HPSE2: variants seen among roughly 807,000 people sequenced by gnomAD.
HPSE2 encodes inactive heparanase-2.
In HPSE2, 38 loss-of-function variants were observed where a neutral mutation model predicts 60.5. The ratio of observed to expected loss-of-function variants is 0.63; its 90% CI spans 0.48 to 0.82. The LOEUF is 0.82. Among genes scored for constraint, HPSE2 ranks in the 40% least tolerant of loss-of-function variants. The pLI is 0.00. For missense variants in HPSE2, 713 were observed against 740.4 expected, an observed-to-expected ratio of 0.96 and a Z score of 0.43; for synonymous variants, 295 against 293.2, an observed-to-expected ratio of 1.01 and a Z score of -0.06.
At chr10:99,119,341 A>G (rs1049826626) in intron 3 of HPSE2, among the ~76,000 whole-genome samples, 5 of 152,218 alleles carry the variant, frequency 3.3e-5, no homozygotes, top group African/African-American at 1.2e-4. Flanking sequence ...TCCCATTCAC[A>G]ACTGCCACAA....
intron 3 of HPSE2, among the ~76,000 whole-genome samples, chr10:98,967,997 A>G (rs905234219): frequency 8.5e-5 from 13 of 152,164 alleles, no homozygotes; most frequent in African/African-American, 3.1e-4. Context: ...TTTTCAGATT[A>G]AGGTCTAAAA....
chr10:99,278,713 A>C, the HPSE2 span, among the ~76,000 whole-genome samples: 3 of 152,208 alleles, frequency 2.0e-5, no homozygotes, highest in Non-Finnish European at 2.9e-5. Flanking sequence ...AGTTCCACTA[A>C]ACTTACTGTG....
chr10:99,274,866 G>C, the HPSE2 span, among the ~76,000 whole-genome samples: 1 of 152,180 alleles, frequency 6.6e-6, no homozygotes, highest in Admixed American at 6.5e-5. Flanking sequence ...ATTCATCTGG[G>C]AAATATACTT....
rs148771773 is a variant in HPSE2, at chr10:98,718,469, T to A, written c.956+3188A>T. ...ATCCAAAATAGAGGAAGTCAGTATA[T>A]CAAAAATATTATGCACACCTCAATG... On this transcript the variant is annotated intron_variant, in intron 5 of 11. Coordinates refer to ENST00000370552, the MANE Select transcript of HPSE2 (RefSeq NM_021828.5). Among the ~76,000 whole-genome samples the A allele has an allele frequency of 1.7e-3, 258 of 152,214 alleles. 4 individuals are homozygous for A. The highest frequency in any genetic ancestry group is 5.9e-3 in the African/African-American group (245 of 41,554).
chr10:99,029,025 C>T (rs1159562121), intron 3 of HPSE2, among the ~76,000 whole-genome samples: 1 of 152,164 alleles, frequency 6.6e-6, no homozygotes, highest in East Asian at 1.9e-4. Context: ...AACTATTAAA[C>T]TACTACAAGA....
At chr10:99,004,119 T>C (rs1368470629) in intron 3 of HPSE2, among the ~76,000 whole-genome samples, 2 of 152,086 alleles carry the variant, frequency 1.3e-5, no homozygotes, top group Non-Finnish European at 2.9e-5. Context: ...CGCTTCACTT[T>C]CAGCCTGTGT....
intron 2 of HPSE2, among the ~76,000 whole-genome samples, chr10:99,186,131 C>CACACACACACACACACAT (rs1564879670): frequency 5.4e-5 from 8 of 149,408 alleles, no homozygotes; most frequent in African/African-American, 1.2e-4. Flanking sequence ...CACACACACA[C>CACACACACACACACACAT]ACACACACAC....
chr10:98,772,849 G>C (rs1950268462), intron 3 of HPSE2, among the ~76,000 whole-genome samples: 1 of 152,154 alleles, frequency 6.6e-6, no homozygotes, highest in African/African-American at 2.4e-5. Flanking sequence ...GTTGATATGA[G>C]AGTTATTGCT....
At chr10:98,965,479 T>C (rs1955790196) in intron 3 of HPSE2, among the ~76,000 whole-genome samples, 1 of 152,014 alleles carries the variant, frequency 6.6e-6, no homozygotes, top group Non-Finnish European at 1.5e-5. Context: ...ATGGTAGGCA[T>C]TCAATCAGTC....
intron 5 of HPSE2, among the ~76,000 whole-genome samples, chr10:98,713,163 G>C (rs1948714388): frequency 6.6e-6 from 1 of 151,952 alleles, no homozygotes; most frequent in South Asian, 2.1e-4. Flanking sequence ...GTAAGAAAAA[G>C]AGAATGTGGT....
intron 3 of HPSE2, among the ~76,000 whole-genome samples, chr10:99,079,264 CCCCAGAGGGAAGCTG>C (rs1174090558): frequency 6.6e-6 from 1 of 152,012 alleles, no homozygotes; most frequent in African/African-American, 2.4e-5. Flanking sequence ...CTCTTTCCCT[CCCCAGAGGGAAGCTG>C]GGAACTAGGG....
rs552246341 is a variant in HPSE2 at position 98,844,847 on chromosome 10, G to T, written c.611-100791C>A. ...GATAAGAAATCTGAAGCTCAAAGTA[G>T]TGACATTCATTGAGAACACCAAAAT... On this transcript the variant is annotated intron_variant, in intron 3 of 11. Transcript: ENST00000370552. Among the ~76,000 whole-genome samples the T allele has an allele frequency of 3.3e-5, 5 of 152,298 alleles. No individual in the cohort carries two copies. In the South Asian group the frequency reaches 1.0e-3, roughly 32 times the overall value.
intron 3 of HPSE2, among the ~76,000 whole-genome samples, chr10:98,752,391 G>C (rs983457599): frequency 6.6e-6 from 1 of 152,142 alleles, no homozygotes; most frequent in Non-Finnish European, 1.5e-5. Flanking sequence ...TCTTTGGGTA[G>C]CCTATGGGTT....
Position 98,713,207 on chromosome 10 carries a change from G to A in HPSE2, c.956+8450C>T, listed in dbSNP as rs551662356. Reference sequence around the variant, plus strand: ...AAAATGAAGATCTGGATAGAGGTCAGCTCATTCATTGTAAAGCCCTGCAGG... The same window carrying A: ...AAAATGAAGATCTGGATAGAGGTCAACTCATTCATTGTAAAGCCCTGCAGG... On this transcript the variant is annotated intron_variant, in intron 5 of 11. Transcript: ENST00000370552. 5.9e-5 allele frequency among the ~76,000 whole-genome samples: 9 copies of A among 152,114 alleles called. 1 individual carries two copies. In the South Asian group the frequency reaches 1.9e-3, roughly 32 times the overall value.
intron 4 of HPSE2, among the ~76,000 whole-genome samples, chr10:98,724,824 A>G (rs1005498089): frequency 9.9e-5 from 15 of 152,168 alleles, no homozygotes; most frequent in Non-Finnish European, 1.9e-4. Context: ...AAAAATCACA[A>G]GCATTCTTAT....
chr10:98,984,297 C>A (rs543580209), intron 3 of HPSE2, among the ~76,000 whole-genome samples: 1 of 152,148 alleles, frequency 6.6e-6, no homozygotes, highest in Non-Finnish European at 1.5e-5. Context: ...GACAAAACTT[C>A]CAGAGGAACG....
intron 5 of HPSE2, among the ~76,000 whole-genome samples, chr10:98,714,785 A>G (rs1435606455): frequency 2.6e-5 from 4 of 151,940 alleles, no homozygotes; most frequent in African/African-American, 7.2e-5. Flanking sequence ...GAACCATATT[A>G]TATTCCCATT....
chr10:98,968,367 G>C (rs996596215), intron 3 of HPSE2, among the ~76,000 whole-genome samples: 1 of 152,098 alleles, frequency 6.6e-6, no homozygotes, highest in Non-Finnish European at 1.5e-5. Context: ...GTTGGTGTGG[G>C]TGTGGTGAAA....
At chr10:98,461,623 A>T in intron 11 of HPSE2, 1 of 620,506 alleles carries the variant, frequency 1.6e-6, no homozygotes, top group Non-Finnish European at 2.8e-6. Context: ...TATCACCCAG[A>T]TATAAGCACA....
Sources: gnomAD v4.1 joint callset for allele counts (sites outside exome capture counted in the v4.1 genomes callset) on GRCh38, gnomAD v4.1.1 for gene constraint, MANE v1.5 for transcripts, NCBI Gene and HGNC (gene_info 2026-07-23, HGNC 2026-07-21) for gene names.